Variants in PHF21A observed in about 807,000 individuals in gnomAD.
PHF21A encodes BHC80a.
In PHF21A, 11 loss-of-function variants were observed where a neutral mutation model predicts 82.5. That is an observed-to-expected ratio of 0.13 (90% CI 0.08 to 0.22). The LOEUF (loss-of-function observed/expected upper bound fraction) is 0.22. PHF21A is among the 10% of genes least tolerant of loss of function. The pLI, the probability that PHF21A is intolerant of heterozygous loss-of-function variation, is 1.00. For synonymous variants in PHF21A, 297 were observed against 302.8 expected, an observed-to-expected ratio of 0.98 and a Z score of 0.20; for missense variants, 579 against 837.8, an observed-to-expected ratio of 0.69 and a Z score of 3.81.
At chr11:46,101,921 A>G (rs2097101665) in intron 1 of PHF21A, among the ~76,000 whole-genome samples, 1 of 151,144 alleles carries the variant, frequency 6.6e-6, no homozygotes, top group African/African-American at 2.4e-5. Flanking sequence ...GCAGTGGCGC[A>G]ATCTCGGCTC....
intron 1 of PHF21A, among the ~76,000 whole-genome samples, chr11:46,114,248 G>C (rs2097260779): frequency 6.6e-6 from 1 of 152,254 alleles, no homozygotes; most frequent in East Asian, 1.9e-4. Flanking sequence ...CCAAACACAA[G>C]CTGATAAGTT....
Position 45,965,286 on chromosome 11 carries a change from C to A in PHF21A, c.996+29G>T, listed in dbSNP as rs574533145. 1.4e-5 allele frequency: 22 copies of A among 1,605,452 alleles called. No homozygotes were observed. In the African/African-American group the frequency reaches 1.5e-4, roughly 11 times the overall value. ...ATATGCCTCAACGACAAGGCTACTG[C>A]CCAGAGCAGGTACATACTCTGCCTG... On this transcript the variant is annotated intron_variant, in intron 10 of 18. Transcript: ENST00000676320.
intron 7 of PHF21A, 27 bp downstream of exon 7, chr11:45,979,733 C>G (rs1290806620): frequency 3.1e-6 from 5 of 1,612,818 alleles, no homozygotes; most frequent in Middle Eastern, 4.1e-4. Context: ...CAATCTGCAG[C>G]CTGCAATGTT....
intron 6 of PHF21A, among the ~76,000 whole-genome samples, chr11:45,998,512 C>A (rs1482286177): frequency 1.3e-5 from 2 of 151,604 alleles, no homozygotes; most frequent in African/African-American, 4.8e-5. Flanking sequence ...TCTACCATTT[C>A]TTTTTCTTTT....
At chr11:45,954,153 C>G (rs930602067) in intron 10 of PHF21A, among the ~76,000 whole-genome samples, 1 of 152,106 alleles carries the variant, frequency 6.6e-6, no homozygotes, top group Non-Finnish European at 1.5e-5. Context: ...CCCGCTACCA[C>G]ACCCAGCTAA....
chr11:45,941,245 C>T (rs969059919), intron 15 of PHF21A, among the ~76,000 whole-genome samples: 8 of 152,268 alleles, frequency 5.3e-5, no homozygotes, highest in East Asian at 1.9e-4. Flanking sequence ...ACTACAAGTG[C>T]GTACCACCAT....
At chr11:45,978,781 C>T (rs1185817608) in intron 7 of PHF21A, among the ~76,000 whole-genome samples, 2 of 152,144 alleles carry the variant, frequency 1.3e-5, no homozygotes, top group Non-Finnish European at 2.9e-5. Flanking sequence ...CAAATACGCC[C>T]TTTTTGTGTA....
At chr11:45,974,136 G>C (rs761275991) in intron 7 of PHF21A, among the ~76,000 whole-genome samples, 3 of 152,108 alleles carry the variant, frequency 2.0e-5, no homozygotes, top group Non-Finnish European at 2.9e-5. Flanking sequence ...CTACATACCT[G>C]TTTGTCTAGT....
chr11:46,022,456 T>C (rs2095650278), intron 6 of PHF21A, among the ~76,000 whole-genome samples: 1 of 150,716 alleles, frequency 6.6e-6, no homozygotes, highest in Non-Finnish European at 1.5e-5. Flanking sequence ...CCCTGTCTCT[T>C]AAAAAAAAAG....
rs1565908476 is a variant in PHF21A at position 46,084,289 on chromosome 11, T to C, written c.-70A>G. On this transcript the variant is annotated 5_prime_UTR_variant, in exon 4 of 19. Transcript: ENST00000676320. ...GCCTCTGTTTAAAGTAACAAACTCC[T>C]CTTCTCACTGCAGCTGTAAAGATCA... The C allele has an allele frequency of 1.9e-6, 2 of 1,071,218 alleles. No homozygotes were observed. The highest frequency in any genetic ancestry group is 3.3e-5 in the African/African-American group (2 of 61,408). 66.4% of individuals were successfully genotyped at this position (1,071,218 alleles called of 1,614,324 possible). A position where few individuals can be genotyped will look rare whatever the true frequency, so the allele number is the denominator to read the frequency against.
chr11:45,984,853 C>T (rs2094439943), intron 6 of PHF21A, among the ~76,000 whole-genome samples: 1 of 152,210 alleles, frequency 6.6e-6, no homozygotes, highest in Admixed American at 6.5e-5. Context: ...TGTTGCGTAT[C>T]AATTATTAGA....
At chr11:46,020,348 A>C (rs1365003595) in intron 6 of PHF21A, among the ~76,000 whole-genome samples, 1 of 152,138 alleles carries the variant, frequency 6.6e-6, no homozygotes, top group Admixed American at 6.5e-5. Flanking sequence ...GCAGCAAACC[A>C]ATTTTTCATC....
chr11:46,045,129 A>G (rs2096236445), intron 6 of PHF21A, among the ~76,000 whole-genome samples: 1 of 152,130 alleles, frequency 6.6e-6, no homozygotes, highest in Non-Finnish European at 1.5e-5. Context: ...GATTCCCCTG[A>G]CTTAGAATGC....
intron 6 of PHF21A, among the ~76,000 whole-genome samples, chr11:46,054,517 G>T (rs1340863763): frequency 6.6e-6 from 1 of 152,168 alleles, no homozygotes; most frequent in Non-Finnish European, 1.5e-5. Flanking sequence ...CTAAGGTGCA[G>T]CCCTGTATGC....
At chr11:46,093,626 C>A (rs1338098209) in intron 1 of PHF21A, among the ~76,000 whole-genome samples, 2 of 152,170 alleles carry the variant, frequency 1.3e-5, no homozygotes, top group Admixed American at 1.3e-4. Context: ...AAAGTGGATT[C>A]TTAACACTAC....
intron 18 of PHF21A, chr11:45,934,973 C>A (rs1463357877): frequency 2.2e-5 from 11 of 504,902 alleles, no homozygotes; most frequent in Admixed American, 1.9e-4. Flanking sequence ...ACCTGGTATC[C>A]ATGAGGGCTG....
intron 6 of PHF21A, among the ~76,000 whole-genome samples, chr11:46,031,443 G>C (rs970902162): frequency 2.6e-5 from 4 of 152,194 alleles, no homozygotes; most frequent in Admixed American, 1.3e-4. Context: ...GAGGGGCCCA[G>C]AGTAGGAAGG....
At chr11:45,995,019 G>A (rs188909117) in intron 6 of PHF21A, among the ~76,000 whole-genome samples, 1 of 152,316 alleles carries the variant, frequency 6.6e-6, no homozygotes, top group Admixed American at 6.5e-5. Flanking sequence ...GCAGACCTGG[G>A]AGAAAGACCT....
rs537152482 is a variant in PHF21A, at chr11:46,038,601, C to T, written c.153+38153G>A. On this transcript the variant is annotated intron_variant, in intron 6 of 18. Transcript: ENST00000676320. ...ATAAAGAAAAGGAATTTATTTCTTA[C>T]AGGTATGGAGGCTGAGAAGTCCAAG... is the stretch of plus-strand genomic sequence containing the variant. Among the ~76,000 whole-genome samples the T allele has an allele frequency of 1.4e-4, 21 of 152,186 alleles. 1 individual carries two copies. The East Asian group carries it at 3.9e-3, about 28-fold the overall frequency.
Sources: gnomAD v4.1 joint callset for allele counts (sites outside exome capture counted in the v4.1 genomes callset) on GRCh38, gnomAD v4.1.1 for gene constraint, MANE v1.5 for transcripts, NCBI Gene and HGNC (gene_info 2026-07-23, HGNC 2026-07-21) for gene names.